Variants in OR8H1 observed in about 807,000 individuals in gnomAD.
OR8H1 encodes the protein olfactory receptor 8H1.
For missense variants in OR8H1, 388 were observed against 374.1 expected, an observed-to-expected ratio of 1.04 and a Z score of -0.31; for synonymous variants, 135 against 134.5, an observed-to-expected ratio of 1.00 and a Z score of -0.03.
chr11:56,289,949 T>A lies in OR8H1; in HGVS notation c.*178A>T. 1 of 677,996 alleles carries A rather than the reference T, an allele frequency of 1.5e-6. No individual in the cohort carries two copies. The highest frequency in any genetic ancestry group is 2.6e-6 in the Non-Finnish European group (1 of 383,942). 42.0% of individuals were successfully genotyped at this position (677,996 alleles called of 1,614,324 possible). A position where few individuals can be genotyped will look rare whatever the true frequency, so the allele number is the denominator to read the frequency against. ...CATATTATGATTTCTAATTACAATC[T>A]GGATTTCTGAAAACATACACCTTGA... On this transcript the variant is annotated 3_prime_UTR_variant, in exon 2 of 2. Coordinates refer to ENST00000641600, the MANE Select transcript of OR8H1 (RefSeq NM_001005199.2).
chr11:56,290,721 G>A lies in OR8H1; in HGVS notation c.342C>T (p.Leu114=), dbSNP rs1842674. The A allele has an allele frequency of 0.39, 621,773 of 1,613,810 alleles. 124,783 individuals are homozygous for A. Among genetic ancestry groups the A allele is most frequent in the East Asian group, 0.61 (27,552 of 44,844 alleles). Residue 114 remains leucine, a synonymous_variant, in exon 2 of 2, where the codon CTC becomes CTT. Coordinates refer to ENST00000641600, the MANE Select transcript of OR8H1 (RefSeq NM_001005199.2). ...VFLGAAECFL[L]SSMAYDRYVA... Reference sequence around the variant, plus strand: ...CGTAGCGATCATAGGCCATTGATGAGAGAAGAAAACATTCAGCAGCTCCCA... The same window carrying A: ...CGTAGCGATCATAGGCCATTGATGAAAGAAGAAAACATTCAGCAGCTCCCA...
At position 56,289,321 on chromosome 11, in the gene OR8H1, A is replaced by G. The variant is rs1395617250; in HGVS notation, c.*806T>C. On this transcript the variant is annotated 3_prime_UTR_variant, in exon 2 of 2. Coordinates refer to ENST00000641600, the MANE Select transcript of OR8H1 (RefSeq NM_001005199.2). The stretch of plus-strand genomic sequence containing the variant: ...CATATTCTGGGTTGTATAGCTGAAA[A>G]TGTAGCATATTTAGAATCTAACTCT... 4.6e-5 allele frequency: 7 copies of G among 152,156 alleles called. No homozygotes were observed. The highest frequency in any genetic ancestry group is 1.0e-4 in the Non-Finnish European group (7 of 68,018). The allele number at this position is 152,156 out of a possible 1,614,324, so 9.4% of individuals were successfully genotyped here. A position where few individuals can be genotyped will look rare whatever the true frequency, so the allele number is the denominator to read the frequency against.
In OR8H1 at chr11:56,291,016, C is replaced by T; in HGVS notation, c.47G>A (p.Gly16Glu). Residue 16 changes from glycine (G) to glutamate (E), a missense_variant, in exon 2 of 2, where the codon GGA becomes GAA. Transcript: ENST00000641600. The part of the protein sequence containing the change: ...NTNVPDFILT[G>E]LSDSEEVQMA... The stretch of plus-strand genomic sequence containing the variant: ...CTGGACCTCTTCAGAATCTGACAGT[C>T]CCGTAAGGATGAAGTCAGGCACATT... The T allele has an allele frequency of 6.2e-7, 1 of 1,611,452 alleles. No individual in the cohort carries two copies. Among genetic ancestry groups the T allele is most frequent in the East Asian group, 2.2e-5 (1 of 44,866 alleles).
In OR8H1 at chr11:56,290,831, T is replaced by C; in HGVS notation, c.232A>G (p.Thr78Ala). The stretch of plus-strand genomic sequence containing the variant: ...AGTAAGTTCGCTAAGGTTTTAGGTG[T>C]GATGACAGTTGAGTAACTGAGGTCA... ...FIDLSYSTVI[T>A]PKTLANLLTS... Residue 78 changes from threonine (T) to alanine (A), a missense_variant, in exon 2 of 2, where the codon ACA (threonine) becomes GCA (alanine). Thr to Ala is a moderately conservative substitution (Grantham distance 58). Coordinates refer to ENST00000641600, the MANE Select transcript of OR8H1 (RefSeq NM_001005199.2). The C allele has an allele frequency of 6.2e-7, 1 of 1,614,084 alleles. No homozygotes were observed. Among genetic ancestry groups the C allele is most frequent in the Non-Finnish European group, 8.5e-7 (1 of 1,179,990 alleles).
rs542977299 is a variant in OR8H1 at position 56,288,826 on chromosome 11, A to G, written c.*1301T>C. On this transcript the variant is annotated 3_prime_UTR_variant, in exon 2 of 2. Transcript: ENST00000641600. ...TCTCGAAGAACATGCACAAAACTCG[A>G]TATTTGTTTTTCTTAAACTGAAAAC... is the stretch of plus-strand genomic sequence containing the variant. 6.6e-6 allele frequency: 1 copy of G among 152,238 alleles called. No individual in the cohort carries two copies. Among genetic ancestry groups the G allele is most frequent in the East Asian group, 1.9e-4 (1 of 5,186 alleles). The allele number at this position is 152,238 out of a possible 1,614,324, so 9.4% of individuals were successfully genotyped here. A position where few individuals can be genotyped will look rare whatever the true frequency, so the allele number is the denominator to read the frequency against.
At chr11:56,291,146 A>G in intron 1 of OR8H1, 62 bp from the exon 2 acceptor site, 2 of 943,720 alleles carry the variant, frequency 2.1e-6, no homozygotes, top group Non-Finnish European at 3.2e-6. Context: ...TTATACAATA[A>G]CCTAGCATTT....
chr11:56,290,000 G>T lies in OR8H1; in HGVS notation c.*127C>A. The T allele has an allele frequency of 1.2e-6, 1 of 835,156 alleles. No individual in the cohort carries two copies. The highest frequency in any genetic ancestry group is 1.9e-5 in the Admixed American group (1 of 53,870). 51.7% of individuals were successfully genotyped at this position (835,156 alleles called of 1,614,324 possible). ...AATGTTCAAGATCACGTTTAGTCAA[G>T]CAAAGGTTAGCACAACAGAAATGCA... On this transcript the variant is annotated 3_prime_UTR_variant, in exon 2 of 2. Coordinates refer to ENST00000641600, the MANE Select transcript of OR8H1 (RefSeq NM_001005199.2).
chr11:56,290,029 AT>A lies in OR8H1; in HGVS notation c.*97del. ...AGGTTAGCACAACAGAAATGCAAACATGAAGGATTCAATTGTTTTTATAGGG... is the reference window on the plus strand; with the variant it reads ...AGGTTAGCACAACAGAAATGCAAACAGAAGGATTCAATTGTTTTTATAGGG... On this transcript the variant is annotated 3_prime_UTR_variant, in exon 2 of 2. Coordinates refer to ENST00000641600, the MANE Select transcript of OR8H1 (RefSeq NM_001005199.2). 1 of 984,444 alleles carries A rather than the reference AT, an allele frequency of 1.0e-6. No homozygotes were observed. The highest frequency in any genetic ancestry group is 1.6e-6 in the Non-Finnish European group (1 of 608,024). 61.0% of individuals were successfully genotyped at this position (984,444 alleles called of 1,614,324 possible). A position where few individuals can be genotyped will look rare whatever the true frequency, so the allele number is the denominator to read the frequency against.
chr11:56,289,465 A>G lies in OR8H1; in HGVS notation c.*662T>C, dbSNP rs2134833995. ...GTGCCCCAAATCGTTGTTTTCCATA[A>G]TAAATTTACCTACAACTGAAGTATG... On this transcript the variant is annotated 3_prime_UTR_variant, in exon 2 of 2. Coordinates refer to ENST00000641600, the MANE Select transcript of OR8H1 (RefSeq NM_001005199.2). 3 of 152,440 alleles carry G rather than the reference A, an allele frequency of 2.0e-5. 1 individual carries two copies. In the South Asian group the frequency reaches 6.2e-4, roughly 32 times the overall value. 9.4% of individuals were successfully genotyped at this position (152,440 alleles called of 1,614,324 possible). A position where few individuals can be genotyped will look rare whatever the true frequency, so the allele number is the denominator to read the frequency against.
At position 56,291,085 on chromosome 11, in the gene OR8H1, C is replaced by CT. The variant is rs770674167; in HGVS notation, c.-22-2dup. 6.6e-7 allele frequency: 1 copy of CT among 1,506,164 alleles called. No homozygotes were observed. The highest frequency in any genetic ancestry group is 8.9e-7 in the Non-Finnish European group (1 of 1,117,336). The allele number at this position is 1,506,164 out of a possible 1,614,324, so 93.3% of individuals were successfully genotyped here. A position where few individuals can be genotyped will look rare whatever the true frequency, so the allele number is the denominator to read the frequency against. ...CATGATGTTCAATTGCTTTAAACTG[C>CT]TGAGAAATCAAAGTTGATACTTAAC... On this transcript the variant is annotated splice_acceptor_variant, in intron 1 of 1. Coordinates refer to ENST00000641600, the MANE Select transcript of OR8H1 (RefSeq NM_001005199.2). LOFTEE classifies it low-confidence loss of function (5UTR_SPLICE).
Position 56,291,035 on chromosome 11 carries a change from G to C in OR8H1, c.28C>G (p.Pro10Ala). 1 of 1,601,468 alleles carries C rather than the reference G, an allele frequency of 6.2e-7. No homozygotes were observed. The highest frequency in any genetic ancestry group is 8.5e-7 in the Non-Finnish European group (1 of 1,174,756). ...GACAGTCCCGTAAGGATGAAGTCAG[G>C]CACATTTGTGTTATTTCTTCTACCC... Reference protein sequence around the residue: MGRRNNTNVPDFILTGLSDS... With the variant: MGRRNNTNVADFILTGLSDS... Residue 10 changes from proline to alanine, a missense_variant, in exon 2 of 2, where the codon CCT (proline) becomes GCT (alanine). Pro to Ala is a conservative substitution (Grantham distance 27, BLOSUM62 -1). Transcript: ENST00000641600.
chr11:56,290,274 C>T lies in OR8H1; in HGVS notation c.789G>A (p.Lys263=). 6.2e-7 allele frequency: 1 copy of T among 1,613,122 alleles called. No homozygotes were observed. Among genetic ancestry groups the T allele is most frequent in the Non-Finnish European group, 8.5e-7 (1 of 1,179,754 alleles). ...CTTGATCCCTTCCCAAAGAATAAGA[C>T]TTTCTTGGTTTTAAATAAGTAAAAA... ...TMIFTYLKPR[K]SYSLGRDQVA... Residue 263 remains lysine (K), a synonymous_variant, in exon 2 of 2, where the codon AAG becomes AAA. Coordinates refer to ENST00000641600, the MANE Select transcript of OR8H1 (RefSeq NM_001005199.2).
rs540636251 is a variant in OR8H1, at chr11:56,291,223, T to C, written c.-22-139A>G. 141 of 573,300 alleles carry C rather than the reference T, an allele frequency of 2.5e-4. 1 individual carries two copies. Among genetic ancestry groups the C allele is most frequent in the African/African-American group, 2.0e-3 (106 of 53,636 alleles). The allele number at this position is 573,300 out of a possible 1,614,324, so 35.5% of individuals were successfully genotyped here. A position where few individuals can be genotyped will look rare whatever the true frequency, so the allele number is the denominator to read the frequency against. ...AATGTGACCTTAAAACGGAATTATA[T>C]TGCCAATGTAGATAAAAGTGTAAAT... is the stretch of plus-strand genomic sequence containing the variant. On this transcript the variant is annotated intron_variant, in intron 1 of 1. Coordinates refer to ENST00000641600, the MANE Select transcript of OR8H1 (RefSeq NM_001005199.2).
rs773083139 is a variant in OR8H1, at chr11:56,290,362, T to C, written c.701A>G (p.Gln234Arg). 1 of 1,614,216 alleles carries C rather than the reference T, an allele frequency of 6.2e-7. No individual in the cohort carries two copies. Among genetic ancestry groups the C allele is most frequent in the Non-Finnish European group, 8.5e-7 (1 of 1,180,008 alleles). The change falls in exon 2 of 2, where the codon CAG becomes CGG. Residue 234 changes from glutamine to arginine, a missense_variant. By Grantham distance (43) the Gln-to-Arg change is conservative (BLOSUM62 1). Transcript: ENST00000641600. ...ILKINSTSGK[Q>R]KALSTCASHL... ...AGAGGCACAAGTAGACAAAGCTTTC[T>C]GCTTTCCTGAAGTGGAATTAATTTT...
At position 56,289,962 on chromosome 11, in the gene OR8H1, A is replaced by C; in HGVS notation, c.*165T>G. On this transcript the variant is annotated 3_prime_UTR_variant, in exon 2 of 2. Coordinates refer to ENST00000641600, the MANE Select transcript of OR8H1 (RefSeq NM_001005199.2). ...CTAATTACAATCTGGATTTCTGAAA[A>C]CATACACCTTGAAATGTTCAAGATC... 1 of 708,844 alleles carries C rather than the reference A, an allele frequency of 1.4e-6. No homozygotes were observed. Among genetic ancestry groups the C allele is most frequent in the Non-Finnish European group, 2.5e-6 (1 of 402,266 alleles). The allele number at this position is 708,844 out of a possible 1,614,324, so 43.9% of individuals were successfully genotyped here. A position where few individuals can be genotyped will look rare whatever the true frequency, so the allele number is the denominator to read the frequency against.
chr11:56,290,740 G>T lies in OR8H1; in HGVS notation c.323C>A (p.Ala108Asp), dbSNP rs576753026. The T allele has an allele frequency of 6.2e-6, 10 of 1,614,104 alleles. No individual in the cohort carries two copies. The East Asian group carries it at 2.2e-4, about 36-fold the overall frequency. The change falls in exon 2 of 2, where the codon GCT becomes GAT. Residue 108 changes from alanine to aspartate, a missense_variant. Transcript: ENST00000641600. ...AQMFFFVFLG[A>D]AECFLLSSMA... ...TGATGAGAGAAGAAAACATTCAGCA[G>T]CTCCCAAGAAGACAAAAAAGAACAT...
At position 56,290,438 on chromosome 11, in the gene OR8H1, A is replaced by G; in HGVS notation, c.625T>C (p.Ser209Pro). 6.2e-7 allele frequency: 1 copy of G among 1,614,192 alleles called. No homozygotes were observed. The highest frequency in any genetic ancestry group is 1.1e-5 in the South Asian group (1 of 91,084). The change falls in exon 2 of 2, where the codon TCC becomes CCC. Residue 209 changes from serine (S) to proline (P), a missense_variant. Transcript: ENST00000641600. Reference sequence around the variant, plus strand: ...TAGGATGCAGATATTGTGATAAGGGACACCATCAGGGTGGAACCAGCTAAA... The same window carrying G: ...TAGGATGCAGATATTGTGATAAGGGGCACCATCAGGGTGGAACCAGCTAAA... Reference protein sequence around the residue: ...HILAGSTLMVSLITISASYVS... With the variant: ...HILAGSTLMVPLITISASYVS...
Position 56,290,482 on chromosome 11 carries a change from A to G in OR8H1, c.581T>C (p.Ile194Thr), listed in dbSNP as rs767136891. Residue 194 changes from isoleucine to threonine, a missense_variant, in exon 2 of 2, where the codon ATT becomes ACT. Physicochemically the swap from Ile to Thr is moderately conservative, Grantham distance 89. Coordinates refer to ENST00000641600, the MANE Select transcript of OR8H1 (RefSeq NM_001005199.2). ...AGCTAAAATGTGTATCATGATTTCA[A>G]TGTCGTATGTGTCCATGCAGGACAG... ...LALSCMDTYD[I>T]EIMIHILAGS... is the part of the protein sequence containing the mutation. 4.3e-6 allele frequency: 7 copies of G among 1,614,100 alleles called. No individual in the cohort carries two copies. Among genetic ancestry groups the G allele is most frequent in the African/African-American group, 4.0e-5 (3 of 74,948 alleles).
At position 56,289,897 on chromosome 11, in the gene OR8H1, G is replaced by A. The variant is rs1330959768; in HGVS notation, c.*230C>T. 31 of 550,924 alleles carry A rather than the reference G, an allele frequency of 5.6e-5. No homozygotes were observed. In the East Asian group the frequency reaches 1.0e-3, roughly 18 times the overall value. 34.1% of individuals were successfully genotyped at this position (550,924 alleles called of 1,614,324 possible). A position where few individuals can be genotyped will look rare whatever the true frequency, so the allele number is the denominator to read the frequency against. On this transcript the variant is annotated 3_prime_UTR_variant, in exon 2 of 2. Transcript: ENST00000641600. ...GGCCTCCCAGAGTGCTGGGATTATA[G>A]GCATGAGCCACCGTGCCCGGCCAAC...
Sources: gnomAD v4.1 joint callset for allele counts on GRCh38, gnomAD v4.1.1 for gene constraint, MANE v1.5 for transcripts, NCBI Gene and HGNC (gene_info 2026-07-23, HGNC 2026-07-21) for gene names.